TRHDE: variants seen among roughly 807,000 people sequenced by gnomAD.
TRHDE encodes thyrotropin-releasing hormone-degrading ectoenzyme.
A neutral mutation model predicts 125.7 loss-of-function variants in TRHDE; 72 were observed. The observed-to-expected ratio is 0.57, with a 90% confidence interval of 0.47 to 0.70. The LOEUF is 0.70. TRHDE is among the 30% of genes least tolerant of loss of function. TRHDE has a pLI of 0.00. For synonymous variants in TRHDE, 509 were observed against 509.1 expected (o/e 1.00, Z 0.00); for missense variants, 1,110 against 1,327.1 (o/e 0.84, Z 2.54).
chr12:72,273,803 A>G lies in TRHDE; in HGVS notation c.914+246A>G, dbSNP rs1191260454. 1 of 486,984 alleles carries G rather than the reference A, an allele frequency of 2.1e-6. No homozygotes were observed. The highest frequency in any genetic ancestry group is 3.7e-6 in the Non-Finnish European group (1 of 272,506). The allele number at this position is 486,984 out of a possible 1,614,324, so 30.2% of individuals were successfully genotyped here. A position where few individuals can be genotyped will look rare whatever the true frequency, so the allele number is the denominator to read the frequency against. The stretch of plus-strand genomic sequence containing the variant: ...AAAGATGAATGCTGCCCCCTCCTCT[A>G]GTCGGGACCTCTCCTCTTCCTGTCA... On this transcript the variant is annotated intron_variant, in intron 1 of 18. Transcript: ENST00000261180. The surrounding 1 kb of genome is among the most constrained non-coding windows in gnomAD (Gnocchi z 5.3).
At position 72,482,640 on chromosome 12, in the gene TRHDE, G is replaced by C. The variant is rs959132044; in HGVS notation, c.1584+9460G>C. Among the ~76,000 whole-genome samples, 6 of 151,902 alleles carry C rather than the reference G, an allele frequency of 3.9e-5. No homozygotes were observed. In the South Asian group the frequency reaches 6.2e-4, roughly 16 times the overall value. ...TAGGTTACTTAAATAGCAGATTTCT[G>C]TTCTTTTGATTGTAGTGGCAGTGGT... On this transcript the variant is annotated intron_variant, in intron 5 of 18. Coordinates refer to ENST00000261180, the MANE Select transcript of TRHDE (RefSeq NM_013381.3).
chr12:72,105,340 A>G (rs934640991), intron 1 of TRHDE, among the ~76,000 whole-genome samples: 1 of 152,164 alleles, frequency 6.6e-6, no homozygotes, highest in Non-Finnish European at 1.5e-5. Context: ...ATTTCAGATA[A>G]GTGATGCTAA....
chr12:72,179,035 T>C (rs1037527166), intron 2 of TRHDE, among the ~76,000 whole-genome samples: 3 of 152,030 alleles, frequency 2.0e-5, no homozygotes, highest in Non-Finnish European at 4.4e-5. Flanking sequence ...ATTGGACAGA[T>C]GGAATCATGC....
chr12:72,569,895 T>C (rs1453872574), intron 10 of TRHDE, among the ~76,000 whole-genome samples: 1 of 152,238 alleles, frequency 6.6e-6, no homozygotes, highest in East Asian at 1.9e-4. Context: ...ACTTCCTGTA[T>C]TATTTGATTT....
chr12:72,638,499 T>C (rs1183754220), intron 15 of TRHDE, among the ~76,000 whole-genome samples: 1 of 151,600 alleles, frequency 6.6e-6, no homozygotes, highest in African/African-American at 2.4e-5. Context: ...ATTTAGTCCA[T>C]TTACATTTAA....
chr12:72,643,311 A>G (rs1173088096), intron 15 of TRHDE, among the ~76,000 whole-genome samples: 1 of 152,196 alleles, frequency 6.6e-6, no homozygotes, highest in Non-Finnish European at 1.5e-5. Context: ...TTTAAGTTGT[A>G]TATGTAAATA....
intron 6 of TRHDE, among the ~76,000 whole-genome samples, chr12:72,519,394 T>G (rs1326133371): frequency 6.6e-6 from 1 of 152,208 alleles, no homozygotes; most frequent in Non-Finnish European, 1.5e-5. Flanking sequence ...TTTCATTCAT[T>G]TCATCTTCCA....
At position 72,238,313 on chromosome 12, in the gene TRHDE, TATATATATAC is replaced by T. The variant is rs1332719039; in HGVS notation, n.279+132571_279+132580del. Among the ~76,000 whole-genome samples, 63 of 34,612 alleles carry T rather than the reference TATATATATAC, an allele frequency of 1.8e-3. 7 individuals carry two copies. Among genetic ancestry groups the T allele is most frequent in the Non-Finnish European group, 2.3e-3 (37 of 16,344 alleles). 22.7% of individuals were successfully genotyped at this position (34,612 alleles called of 152,430 possible). ...ATATATATATATATATATATATATATATATATATACATATATATATACACATTATATATAT... is the reference window on the plus strand; with the variant it reads ...ATATATATATATATATATATATATATATATATATATACACATTATATATAT... On this transcript the variant is annotated intron_variant and non_coding_transcript_variant, in intron 2 of 4. Coordinates refer to the TRHDE transcript ENST00000548156.
chr12:72,621,159 A>G lies in TRHDE; in HGVS notation c.2521A>G (p.Lys841Glu). 1 of 1,612,402 alleles carries G rather than the reference A, an allele frequency of 6.2e-7. No homozygotes were observed. The stretch of plus-strand genomic sequence containing the variant: ...AACATATATCAAGCTTGGGTGGCCG[A>G]AAAATAATTTTAATGGATCTCTTGT... Reference protein sequence around the residue: ...ATTYIKLGWPKNNFNGSLVQA... With the variant: ...ATTYIKLGWPENNFNGSLVQA... Residue 841 changes from lysine to glutamate, a missense_variant, in exon 14 of 19, where the codon AAA becomes GAA. Transcript: ENST00000261180.
chr12:72,393,085 A>G (rs145779089), intron 3 of TRHDE, among the ~76,000 whole-genome samples: 12 of 152,284 alleles, frequency 7.9e-5, no homozygotes, highest in Non-Finnish European at 1.3e-4. Flanking sequence ...TATATTCAAT[A>G]TGACATATTT....
At chr12:72,599,708 T>C (rs922857241) in intron 12 of TRHDE, among the ~76,000 whole-genome samples, 2 of 152,180 alleles carry the variant, frequency 1.3e-5, no homozygotes, top group Admixed American at 1.3e-4. Flanking sequence ...GTGCAGAAAC[T>C]CTTTAGTTTA....
intron 5 of TRHDE, among the ~76,000 whole-genome samples, chr12:72,495,108 C>T (rs1381700250): frequency 3.0e-5 from 3 of 100,994 alleles, no homozygotes; most frequent in African/African-American, 1.2e-4. Context: ...TGTCTAAAAG[C>T]TATGTAGTTA....
At chr12:72,429,200 CA>C (rs1874320525) in intron 3 of TRHDE, among the ~76,000 whole-genome samples, 1 of 151,706 alleles carries the variant, frequency 6.6e-6, no homozygotes, top group Admixed American at 6.6e-5. Context: ...GTTGGTGGGT[CA>C]GGGGAAAGGA....
intron 2 of TRHDE, among the ~76,000 whole-genome samples, chr12:72,181,558 A>C (rs529107503): frequency 2.9e-3 from 438 of 152,326 alleles, no homozygotes; most frequent in African/African-American, 0.01. Flanking sequence ...TATTAGTTTA[A>C]GGTTAATTTG....
At chr12:72,420,859 G>A (rs1005375163) in intron 3 of TRHDE, among the ~76,000 whole-genome samples, 3 of 152,156 alleles carry the variant, frequency 2.0e-5, no homozygotes, top group Non-Finnish European at 2.9e-5. Flanking sequence ...GCCTGGGCAT[G>A]GCTCTGAACC....
intron 6 of TRHDE, among the ~76,000 whole-genome samples, chr12:72,515,493 G>GT (rs980168431): frequency 5.3e-5 from 8 of 151,488 alleles, no homozygotes; most frequent in East Asian, 1.9e-4. Flanking sequence ...ATGTCTGTTT[G>GT]TTTTTTTTGT....
intron 2 of TRHDE, among the ~76,000 whole-genome samples, chr12:72,324,471 A>G (rs1048823204): frequency 1.3e-5 from 2 of 152,108 alleles, no homozygotes; most frequent in East Asian, 3.9e-4. Flanking sequence ...AAGGATATAA[A>G]AAGGAATGAT....
chr12:72,365,934 A>G (rs1565714472), intron 2 of TRHDE, among the ~76,000 whole-genome samples: 1 of 152,102 alleles, frequency 6.6e-6, no homozygotes. Flanking sequence ...CTGCCTCTCC[A>G]GCTTCTAATA....
At chr12:72,570,895 C>T (rs1208122431) in intron 10 of TRHDE, among the ~76,000 whole-genome samples, 1 of 152,164 alleles carries the variant, frequency 6.6e-6, no homozygotes. Context: ...TGAAAAAGGA[C>T]ACATTCATAG....
Sources: allele counts gnomAD v4.1 joint callset (sites outside exome capture counted in the v4.1 genomes callset), GRCh38; gene constraint gnomAD v4.1.1; non-coding constraint Gnocchi (gnomAD v3.1); transcripts MANE v1.5; gene names NCBI Gene and HGNC (gene_info 2026-07-23, HGNC 2026-07-21).